Variants in WDR88 observed in about 807,000 individuals in gnomAD.
WDR88 encodes WD repeat-containing protein 88.
In WDR88, 40 loss-of-function variants were observed where a neutral mutation model predicts 46.8. The observed-to-expected ratio is 0.86, with a 90% CI of 0.66 to 1.11. The LOEUF is 1.11. WDR88 is among the 50% of genes most tolerant of loss of function. The pLI, the probability that WDR88 is intolerant of heterozygous loss-of-function variation, is 0.00. For missense variants in WDR88, 562 were observed against 602.4 expected (o/e 0.93, Z 0.70); for synonymous variants, 235 against 240.7 (o/e 0.98, Z 0.22).
At chr19:33,174,666 A>G (rs1479697378) in intron 10 of WDR88, 8 of 985,278 alleles carry the variant, frequency 8.1e-6, no homozygotes, top group Non-Finnish European at 9.6e-6. Context: ...TGGTTCTGTA[A>G]AAGTTGGGTG....
At chr19:33,169,127 T>C (rs1351924519) in intron 9 of WDR88, among the ~76,000 whole-genome samples, 3 of 152,172 alleles carry the variant, frequency 2.0e-5, no homozygotes, top group African/African-American at 7.2e-5. Flanking sequence ...AGAGCTAAAC[T>C]ATAAAACCCT....
At chr19:33,159,363 T>C (rs1200287374) in intron 7 of WDR88, among the ~76,000 whole-genome samples, 1 of 150,234 alleles carries the variant, frequency 6.7e-6, no homozygotes, top group African/African-American at 2.4e-5. Flanking sequence ...AATAAATAAA[T>C]AAATAAATAA....
intron 4 of WDR88, among the ~76,000 whole-genome samples, chr19:33,148,264 G>T (rs942737698): frequency 1.3e-5 from 2 of 151,992 alleles, no homozygotes; most frequent in African/African-American, 4.8e-5. Flanking sequence ...CCTCCTCGGG[G>T]TCTCCTGCCT....
intron 2 of WDR88, among the ~76,000 whole-genome samples, chr19:33,139,208 C>T (rs1396612646): frequency 6.6e-6 from 1 of 152,200 alleles, no homozygotes; most frequent in Admixed American, 6.5e-5. Context: ...CAAGGTGCAG[C>T]AGGCAGGGGC....
In WDR88 at chr19:33,160,395, C is replaced by T; in HGVS notation, c.998-19C>T. 6.2e-7 allele frequency: 1 copy of T among 1,613,980 alleles called. No homozygotes were observed. Reference sequence around the variant, plus strand: ...TGGAAAGTTGACCCCCATCTCCACCCTTTCATTTTCTGTTGCAGGCTCTTT... The same window carrying T: ...TGGAAAGTTGACCCCCATCTCCACCTTTTCATTTTCTGTTGCAGGCTCTTT... On this transcript the variant is annotated intron_variant, in intron 7 of 10. Transcript: ENST00000355868.
chr19:33,174,204 A>C (rs1974087184), intron 10 of WDR88: 1 of 1,536,430 alleles, frequency 6.5e-7, no homozygotes, highest in Admixed American at 2.0e-5. Context: ...GCCTACCTGA[A>C]GCTGAAGCAA....
chr19:33,167,797 T>C (rs775936844), intron 9 of WDR88, among the ~76,000 whole-genome samples: 2 of 151,668 alleles, frequency 1.3e-5, no homozygotes, highest in Non-Finnish European at 2.9e-5. Flanking sequence ...CTTTCTCTCT[T>C]TCTTTCTTTC....
At chr19:33,167,538 A>G (rs564942534) in intron 9 of WDR88, among the ~76,000 whole-genome samples, 15 of 152,290 alleles carry the variant, frequency 9.8e-5, no homozygotes, top group African/African-American at 3.1e-4. Context: ...CATTGCTACT[A>G]TTCAATATTG....
intron 2 of WDR88, among the ~76,000 whole-genome samples, chr19:33,142,575 C>G (rs898223470): frequency 2.0e-5 from 3 of 151,768 alleles, no homozygotes; most frequent in African/African-American, 7.3e-5. Flanking sequence ...GTTGTGGGGA[C>G]CGAGGGCCTC....
intron 6 of WDR88, among the ~76,000 whole-genome samples, chr19:33,154,497 A>T (rs1472993137): frequency 2.0e-5 from 3 of 151,960 alleles, no homozygotes; most frequent in African/African-American, 7.3e-5. Context: ...TTCCTGTGTT[A>T]GTTTGCTGAG....
At chr19:33,172,268 C>A in intron 9 of WDR88, 80 bp from the exon 10 acceptor site, 1 of 1,246,700 alleles carries the variant, frequency 8.0e-7, no homozygotes, top group Non-Finnish European at 1.1e-6. Flanking sequence ...CAGCCCATGT[C>A]TTTTGATTGT....
intron 2 of WDR88, among the ~76,000 whole-genome samples, chr19:33,139,931 G>T (rs2145367157): frequency 6.6e-6 from 1 of 152,258 alleles, no homozygotes; most frequent in South Asian, 2.1e-4. Flanking sequence ...ACCCTGGGGG[G>T]TTGCATGACC....
chr19:33,139,954 C>T (rs1265376576), intron 2 of WDR88, among the ~76,000 whole-genome samples: 2 of 152,136 alleles, frequency 1.3e-5, no homozygotes, highest in Admixed American at 6.6e-5. Flanking sequence ...CTGGGCCTCC[C>T]TGGGTCTGCC....
intron 2 of WDR88, 57 bp downstream of exon 2, chr19:33,137,844 C>A: frequency 6.8e-7 from 1 of 1,467,626 alleles, no homozygotes; most frequent in Non-Finnish European, 9.4e-7. Context: ...AGCTTAGGCA[C>A]CTCCTGTGTC....
intron 7 of WDR88, among the ~76,000 whole-genome samples, chr19:33,158,656 C>G (rs1222734985): frequency 6.6e-6 from 1 of 152,128 alleles, no homozygotes; most frequent in African/African-American, 2.4e-5. Context: ...TTTCACCTCC[C>G]ACGTGGTAAA....
At chr19:33,174,695 G>A in intron 10 of WDR88, 1 of 985,436 alleles carries the variant, frequency 1.0e-6, no homozygotes, top group Non-Finnish European at 1.2e-6. Flanking sequence ...ATGTCAGGGA[G>A]TCATCCTCTT....
intron 2 of WDR88, among the ~76,000 whole-genome samples, chr19:33,138,059 G>A (rs1438223589): frequency 4.0e-5 from 6 of 150,708 alleles, no homozygotes; most frequent in Admixed American, 3.3e-4. Flanking sequence ...TTTTTGAGAC[G>A]GAGTTTCGCT....
intron 1 of WDR88, among the ~76,000 whole-genome samples, chr19:33,135,457 T>C (rs574739319): frequency 3.9e-5 from 6 of 152,320 alleles, no homozygotes; most frequent in African/African-American, 1.4e-4. Flanking sequence ...CTCGCTCTGT[T>C]GCCCAGGCTG....
At chr19:33,149,069 T>G (rs1251073490) in intron 5 of WDR88, among the ~76,000 whole-genome samples, 159 bp downstream of exon 5, 1 of 152,108 alleles carries the variant, frequency 6.6e-6, no homozygotes, top group Non-Finnish European at 1.5e-5. Context: ...TGGCTGGGAT[T>G]GCATCTGTAA....
Sources: gnomAD v4.1 joint callset for allele counts (sites outside exome capture counted in the v4.1 genomes callset) on GRCh38, gnomAD v4.1.1 for gene constraint, MANE v1.5 for transcripts, NCBI Gene and HGNC (gene_info 2026-07-23, HGNC 2026-07-21) for gene names.